The following NSD2 variants were observed in gnomAD, a reference collection of about 807,000 sequenced individuals.
NSD2 encodes nuclear receptor binding SET domain protein 2, also known as histone-lysine N-methyltransferase NSD2.
Under a neutral mutation model 139.0 loss-of-function variants are expected in NSD2, and 12 were observed. That is an observed-to-expected ratio of 0.09 (90% CI 0.06 to 0.14). The LOEUF is 0.14. Ranked by LOEUF, NSD2 falls within the 10% of genes least tolerant of loss-of-function variation. The pLI is 1.00. For synonymous variants in NSD2, 669 were observed against 648.7 expected (o/e 1.03, Z -0.48); for missense variants, 1,155 against 1,745.0 (o/e 0.66, Z 6.02).
rs563998767 is a variant in NSD2 at position 1,899,062 on chromosome 4, C to T, written c.-29-1564C>T. 2.0e-5 allele frequency among the ~76,000 whole-genome samples: 3 copies of T among 152,320 alleles called. No individual in the cohort carries two copies. The Middle Eastern group carries it at 0.01, about 518-fold the overall frequency. On this transcript the variant is annotated intron_variant, in intron 1 of 21. Coordinates refer to ENST00000508803, the MANE Select transcript of NSD2 (RefSeq NM_001042424.3). Reference sequence around the variant, plus strand: ...TGATATGAGCTGGAAGAGGAACTGACTTTGATCTACCTTTTTAAGAAATTG... The same window carrying T: ...TGATATGAGCTGGAAGAGGAACTGATTTTGATCTACCTTTTTAAGAAATTG...
rs1052730490 is a variant in NSD2, at chr4:1,939,725, G to A, written c.1828G>A (p.Ala610Thr). ...TCGGGCTTCCACGGCAGCATCTTCA[G>A]CTCTTGGGTTTAGCAAAAGTTCATC... The part of the protein sequence containing the change: ...RNRASTAASS[A>T]LGFSKSSSPS... Residue 610 changes from alanine to threonine, a missense_variant, in exon 9 of 22, where the codon GCT becomes ACT. Ala to Thr is a moderately conservative substitution (Grantham distance 58). Coordinates refer to ENST00000508803, the MANE Select transcript of NSD2 (RefSeq NM_001042424.3). 10 of 1,614,242 alleles carry A rather than the reference G, an allele frequency of 6.2e-6. No homozygotes were observed. Among genetic ancestry groups the A allele is most frequent in the Non-Finnish European group, 7.6e-6 (9 of 1,180,048 alleles).
chr4:1,873,462 C>T (rs1356669468), intron 1 of NSD2, among the ~76,000 whole-genome samples: 3 of 152,188 alleles, frequency 2.0e-5, no homozygotes, highest in Non-Finnish European at 4.4e-5. Context: ...TGCTTTGTTT[C>T]TATGCAATCA....
At chr4:1,910,981 G>A (rs1057004547) in intron 3 of NSD2, among the ~76,000 whole-genome samples, 126 of 152,174 alleles carry the variant, frequency 8.3e-4, no homozygotes, top group African/African-American at 2.9e-3. Context: ...GGCCTTGTCT[G>A]CATCTTTATG....
chr4:1,967,955 G>C (rs1726059931), intron 18 of NSD2, among the ~76,000 whole-genome samples: 1 of 152,220 alleles, frequency 6.6e-6, no homozygotes, highest in Non-Finnish European at 1.5e-5. Flanking sequence ...TTATTGTCAA[G>C]ATGGGTTATC....
At chr4:1,940,617 T>C in intron 9 of NSD2, 3 of 1,062,882 alleles carry the variant, frequency 2.8e-6, no homozygotes, top group African/African-American at 1.6e-5. Flanking sequence ...GTTTTTCTCA[T>C]TGTAGACATG....
At chr4:1,872,329 C>G (rs952511841) in intron 1 of NSD2, among the ~76,000 whole-genome samples, 2 of 152,170 alleles carry the variant, frequency 1.3e-5, no homozygotes, top group African/African-American at 4.8e-5. Flanking sequence ...GAGATGGGAC[C>G]TGGCGACTTA....
At chr4:1,959,816 G>A in intron 17 of NSD2, 76 bp downstream of exon 17, 1 of 1,569,606 alleles carries the variant, frequency 6.4e-7, no homozygotes, top group Non-Finnish European at 8.7e-7. Context: ...TTTGCTTGTG[G>A]TGGTTTTGTA....
intron 1 of NSD2, among the ~76,000 whole-genome samples, chr4:1,891,241 T>G (rs939642338): frequency 1.3e-5 from 2 of 152,182 alleles, no homozygotes; most frequent in African/African-American, 4.8e-5. Flanking sequence ...CATCATTCAG[T>G]GATAGCAGGG....
Position 1,980,918 on chromosome 4 carries a change from A to AG in NSD2, c.*2012dup, listed in dbSNP as rs766138833. On this transcript the variant is annotated 3_prime_UTR_variant, in exon 22 of 22. Transcript: ENST00000508803. ...ATGCCCTAACTTGGAAGGTTGTTCT[A>AG]GGGACAGGCCGGGCAGTGTCCCCAC... 3.0e-4 allele frequency: 71 copies of AG among 233,274 alleles called. No individual in the cohort carries two copies. The highest frequency in any genetic ancestry group is 4.2e-4 in the Non-Finnish European group (50 of 118,044). The allele number at this position is 233,274 out of a possible 1,614,324, so 14.5% of individuals were successfully genotyped here. A position where few individuals can be genotyped will look rare whatever the true frequency, so the allele number is the denominator to read the frequency against.
In NSD2 at chr4:1,952,247, C is replaced by A. The variant is rs749854952; in HGVS notation, c.2137+16C>A. The A allele has an allele frequency of 6.2e-7, 1 of 1,612,574 alleles. No individual in the cohort carries two copies. Among genetic ancestry groups the A allele is most frequent in the Non-Finnish European group, 8.5e-7 (1 of 1,179,660 alleles). The stretch of plus-strand genomic sequence containing the variant: ...TGTGCCTCAGGCAAGTTCCCACGGG[C>A]GGGCAGCTCTGCAGCCTGGCCGGCC... On this transcript the variant is annotated intron_variant, in intron 11 of 21. Coordinates refer to ENST00000508803, the MANE Select transcript of NSD2 (RefSeq NM_001042424.3).
At chr4:1,892,388 T>C (rs958024311) in intron 1 of NSD2, 1 of 152,262 alleles carries the variant, frequency 6.6e-6, no homozygotes, top group African/African-American at 2.4e-5. Flanking sequence ...CCAAGGTCCA[T>C]GTGGTCCTAT....
chr4:1,941,523 A>G (rs1216751665), intron 9 of NSD2: 12 of 1,043,254 alleles, frequency 1.2e-5, no homozygotes, highest in Non-Finnish European at 1.3e-5. Flanking sequence ...GAAGACATAG[A>G]TGAAGCATTT....
chr4:1,913,753 C>G (rs1031455809), intron 3 of NSD2, among the ~76,000 whole-genome samples: 6 of 152,094 alleles, frequency 3.9e-5, no homozygotes, highest in African/African-American at 1.4e-4. Context: ...GCCAGACATT[C>G]AGGGCCACTA....
intron 3 of NSD2, among the ~76,000 whole-genome samples, chr4:1,915,111 CTTTTTTT>C (rs781255847): frequency 1.7e-3 from 191 of 115,538 alleles, no homozygotes; most frequent in Middle Eastern, 5.3e-3. Context: ...CTTTTTTTCT[CTTTTTTT>C]TTTTTTTTTT....
At chr4:1,918,804 C>T (rs950758768) in intron 5 of NSD2, 181 bp downstream of exon 5, 19 of 815,430 alleles carry the variant, frequency 2.3e-5, no homozygotes, top group Middle Eastern at 3.7e-4. Flanking sequence ...AAAAGATACT[C>T]GACTTGCACT....
chr4:1,950,073 C>T (rs1724051363), intron 9 of NSD2, among the ~76,000 whole-genome samples: 1 of 152,166 alleles, frequency 6.6e-6, no homozygotes, highest in African/African-American at 2.4e-5. Flanking sequence ...TGTTTCATCT[C>T]CAAAATTCAG....
At chr4:1,921,781 C>CAA (rs748895885) in intron 5 of NSD2, among the ~76,000 whole-genome samples, 762 of 64,930 alleles carry the variant, frequency 0.012, 4 homozygotes, top group African/African-American at 0.025. Context: ...GACTCTGTCT[C>CAA]AAAAAAAAAA....
At chr4:1,888,483 G>A (rs183494089) in intron 1 of NSD2, among the ~76,000 whole-genome samples, 27 of 150,126 alleles carry the variant, frequency 1.8e-4, no homozygotes, top group African/African-American at 6.6e-4. Flanking sequence ...TCAGCTGATA[G>A]CTTGGTTGGG....
In NSD2 at chr4:1,973,134, C is replaced by T. The variant is rs560947274; in HGVS notation, c.3373-1729C>T. ...TACTGGGATTATAGGTGTGAGCCAC[C>T]GCGCCCGGCCGACATATTGTTATAA... is the stretch of plus-strand genomic sequence containing the variant. On this transcript the variant is annotated intron_variant, in intron 18 of 21. Transcript: ENST00000508803. The surrounding 1 kb of genome is among the most constrained non-coding windows in gnomAD (Gnocchi z 5.5). 2.4e-4 allele frequency among the ~76,000 whole-genome samples: 37 copies of T among 152,284 alleles called. No homozygotes were observed. Among genetic ancestry groups the T allele is most frequent in the African/African-American group, 7.2e-4 (30 of 41,558 alleles).
Sources: allele counts gnomAD v4.1 joint callset (sites outside exome capture counted in the v4.1 genomes callset), GRCh38; gene constraint gnomAD v4.1.1; non-coding constraint Gnocchi (gnomAD v3.1); transcripts MANE v1.5; gene names NCBI Gene and HGNC (gene_info 2026-07-23, HGNC 2026-07-21).